Variants in TYW2 observed in about 807,000 individuals in gnomAD.
The protein encoded by TYW2 is tRNA wybutosine-synthesizing protein 2 homolog.
At chr8:124,452,109 G>C in the TYW2 span, 1 of 1,614,248 alleles carries the variant, frequency 6.2e-7, no homozygotes, top group Middle Eastern at 1.6e-4. Flanking sequence ...AGTGGCAAAG[G>C]TGGGCAGAAT....
At chr8:124,451,589 A>G in the TYW2 span, 1 of 1,614,120 alleles carries the variant, frequency 6.2e-7, no homozygotes, top group South Asian at 1.1e-5. Context: ...TCCTTTGGAA[A>G]CATCACTGAG....
the TYW2 span, chr8:124,452,382 A>C: frequency 8.9e-7 from 1 of 1,127,860 alleles, no homozygotes; most frequent in Non-Finnish European, 1.3e-6. Context: ...AGTTTTTTTC[A>C]TATTTTATAG....
chr8:124,452,313 G>T, the TYW2 span: 4 of 1,593,790 alleles, frequency 2.5e-6, no homozygotes, highest in Non-Finnish European at 3.4e-6. Context: ...CCACGTGCGA[G>T]TGGCCCTTAA....
At chr8:124,452,421 AATT>A in the TYW2 span, 1 of 734,048 alleles carries the variant, frequency 1.4e-6, no homozygotes. Flanking sequence ...GATCAATTCA[AATT>A]ATTTCATTTG....
the TYW2 span, chr8:124,450,941 T>C: frequency 6.2e-7 from 1 of 1,613,702 alleles, no homozygotes; most frequent in South Asian, 1.1e-5. Context: ...AGAGAGAATG[T>C]GGTTGTTAGC....
the TYW2 span, chr8:124,450,840 CG>C: frequency 1.4e-6 from 2 of 1,474,482 alleles, no homozygotes; most frequent in Non-Finnish European, 1.8e-6. Context: ...CCGGCATGGC[CG>C]GGTGAGCTGC....
At chr8:124,451,277 G>T in the TYW2 span, 1 of 1,614,166 alleles carries the variant, frequency 6.2e-7, no homozygotes, top group Non-Finnish European at 8.5e-7. Context: ...TGGGTGGAGG[G>T]TCGGGGAGTC....
chr8:124,451,572 T>C, the TYW2 span: 10 of 1,614,194 alleles, frequency 6.2e-6, no homozygotes, highest in East Asian at 2.2e-4. Context: ...TGACCCAGTG[T>C]ATGTTCTCCT....
the TYW2 span, chr8:124,451,507 G>A: frequency 6.2e-7 from 1 of 1,614,048 alleles, no homozygotes; most frequent in African/African-American, 1.3e-5. Flanking sequence ...ACTGCTGCTG[G>A]GTGACCATGG....
At chr8:124,450,840 C>A in the TYW2 span, 2 of 1,474,598 alleles carry the variant, frequency 1.4e-6, no homozygotes, top group East Asian at 2.3e-5. Context: ...CCGGCATGGC[C>A]GGGTGAGCTG....
the TYW2 span, chr8:124,452,210 A>G: frequency 8.1e-6 from 13 of 1,614,012 alleles, no homozygotes; most frequent in South Asian, 1.1e-5. Context: ...GTGAAATCCT[A>G]TGCTCCCCAT....
chr8:124,452,143 C>T, the TYW2 span: 2 of 1,614,238 alleles, frequency 1.2e-6, no homozygotes, highest in South Asian at 2.2e-5. Context: ...AATCGCCACT[C>T]TTCTTCAGCA....
the TYW2 span, chr8:124,451,165 C>T: frequency 6.2e-7 from 1 of 1,614,122 alleles, no homozygotes; most frequent in Non-Finnish European, 8.5e-7. Flanking sequence ...TCGTGTTGCC[C>T]CAGGCAGTCC....
chr8:124,451,441 C>T, the TYW2 span: 7 of 1,614,018 alleles, frequency 4.3e-6, no homozygotes, highest in East Asian at 8.9e-5. Flanking sequence ...TGGCGTCCAG[C>T]GTTTGGCAAA....
the TYW2 span, chr8:124,452,839 A>G: frequency 6.0e-6 from 1 of 167,308 alleles, no homozygotes; most frequent in African/African-American, 2.4e-5. Flanking sequence ...TATGATAAAT[A>G]AAATTGACAG....
At chr8:124,452,671 A>G in the TYW2 span, 1 of 179,946 alleles carries the variant, frequency 5.6e-6, no homozygotes, top group African/African-American at 2.4e-5. Context: ...AGTGAAAGAC[A>G]CAGTGCTTTT....
the TYW2 span, chr8:124,451,484 C>T: frequency 6.2e-7 from 1 of 1,614,158 alleles, no homozygotes; most frequent in Non-Finnish European, 8.5e-7. Context: ...GGTACTCGAA[C>T]TCCAGCAGTG....
chr8:124,452,317 C>A, the TYW2 span: 1 of 1,587,386 alleles, frequency 6.3e-7, no homozygotes, highest in Non-Finnish European at 8.6e-7. Flanking sequence ...GTGCGAGTGG[C>A]CCTTAAATGT....
chr8:124,452,340 C>T, the TYW2 span: 2 of 1,522,040 alleles, frequency 1.3e-6, no homozygotes. Flanking sequence ...CAGTTCAGTC[C>T]AGGTTGTCAT....
Sources: gnomAD v4.1 joint callset for allele counts on GRCh38, gnomAD v4.1.1 for gene constraint, MANE v1.5 for transcripts, NCBI Gene and HGNC (gene_info 2026-07-23, HGNC 2026-07-21) for gene names.